Variants in WDR72 observed in about 807,000 individuals in gnomAD.
The protein encoded by WDR72 is WD repeat-containing protein 72.
WDR72 carries 120 observed loss-of-function variants against 124.2 expected under a neutral mutation model. That is an observed-to-expected ratio of 0.97 (90% CI 0.83 to 1.12). The LOEUF (loss-of-function observed/expected upper bound fraction) is 1.12. Ranked by LOEUF, WDR72 falls within the 50% of genes most tolerant of loss-of-function variation. The probability of loss-of-function intolerance (pLI) is 0.00; values close to 1 mark genes in which losing one functional copy is unlikely to be tolerated. For synonymous variants in WDR72, 452 were observed against 441.7 expected (o/e 1.02, Z -0.29); for missense variants, 1,387 against 1,278.8 (o/e 1.08, Z -1.29).
chr15:53,743,449 C>T (rs1243441656), intron 1 of WDR72, among the ~76,000 whole-genome samples: 2 of 152,002 alleles, frequency 1.3e-5, no homozygotes, highest in Admixed American at 1.3e-4. Context: ...GGACTTCCTA[C>T]CTTTTATAGT....
chr15:53,675,338 T>A (rs974978643), intron 13 of WDR72, among the ~76,000 whole-genome samples: 1 of 97,776 alleles, frequency 1.0e-5, no homozygotes, highest in Non-Finnish European at 1.9e-5. Context: ...TGAGACTCTG[T>A]CTCAAAAAAA....
intron 18 of WDR72, among the ~76,000 whole-genome samples, chr15:53,578,515 T>C (rs1459274372): frequency 2.0e-5 from 3 of 152,056 alleles, no homozygotes; most frequent in African/African-American, 7.2e-5. Flanking sequence ...TGGGACAGCA[T>C]ATGCAGAGGT....
At chr15:53,749,917 T>G (rs1413991413) in intron 1 of WDR72, among the ~76,000 whole-genome samples, 1 of 152,086 alleles carries the variant, frequency 6.6e-6, no homozygotes, top group Non-Finnish European at 1.5e-5. Context: ...GAAGCTGCAG[T>G]GGAAAAGCTG....
intron 11 of WDR72, among the ~76,000 whole-genome samples, chr15:53,704,478 A>C (rs2017278028): frequency 6.6e-6 from 1 of 151,798 alleles, no homozygotes; most frequent in African/African-American, 2.4e-5. Context: ...AGGAGAAAAA[A>C]TCATTTCTTA....
chr15:53,687,465 A>G (rs895067619), intron 13 of WDR72, among the ~76,000 whole-genome samples: 12 of 151,566 alleles, frequency 7.9e-5, no homozygotes, highest in African/African-American at 2.4e-4. Context: ...AATCTAGAAG[A>G]AATGGATAAA....
Position 53,742,609 on chromosome 15 carries a change from C to T in WDR72, c.-12-9448G>A, listed in dbSNP as rs2018538861. 1.3e-5 allele frequency among the ~76,000 whole-genome samples: 2 copies of T among 151,900 alleles called. 1 individual carries two copies. The highest frequency in any genetic ancestry group is 4.2e-4 in the South Asian group (2 of 4,810). ...TTTCACTGGAGAAAATAAGTGTACA[C>T]TGAGAAAGAAATATAGCATTACTTC... On this transcript the variant is annotated intron_variant, in intron 1 of 19. Transcript: ENST00000360509.
intron 18 of WDR72, among the ~76,000 whole-genome samples, chr15:53,524,366 GAT>G: frequency 6.6e-6 from 1 of 152,168 alleles, no homozygotes; most frequent in South Asian, 2.1e-4. Context: ...TCACACATAA[GAT>G]ATGTTTGTTG....
intron 13 of WDR72, among the ~76,000 whole-genome samples, chr15:53,684,913 A>G (rs954990742): frequency 1.3e-5 from 2 of 152,188 alleles, no homozygotes; most frequent in Non-Finnish European, 1.5e-5. Context: ...CCTGACCCCG[A>G]GCAGCCTAAC....
chr15:53,635,307 A>G (rs1416954000), intron 14 of WDR72, among the ~76,000 whole-genome samples: 1 of 152,218 alleles, frequency 6.6e-6, no homozygotes, highest in Non-Finnish European at 1.5e-5. Context: ...GCTTTTGCCT[A>G]TATGACTATT....
intron 2 of WDR72, among the ~76,000 whole-genome samples, chr15:53,724,608 C>T (rs1452321642): frequency 2.0e-5 from 3 of 152,164 alleles, no homozygotes; most frequent in Non-Finnish European, 4.4e-5. Flanking sequence ...AGAACTCACT[C>T]ACTATCACAA....
intron 18 of WDR72, among the ~76,000 whole-genome samples, chr15:53,546,541 C>T (rs966037554): frequency 1.1e-4 from 16 of 151,926 alleles, no homozygotes; most frequent in Non-Finnish European, 1.9e-4. Flanking sequence ...GGAGGGATAG[C>T]ATTGGGAGAT....
chr15:53,698,414 T>G (rs1199043186), intron 13 of WDR72, among the ~76,000 whole-genome samples: 1 of 152,208 alleles, frequency 6.6e-6, no homozygotes, highest in Non-Finnish European at 1.5e-5. Context: ...AAGTCAAGAC[T>G]TTGCTGCATT....
chr15:53,547,957 A>G (rs574845900), intron 18 of WDR72, among the ~76,000 whole-genome samples: 1 of 152,280 alleles, frequency 6.6e-6, no homozygotes, highest in African/African-American at 2.4e-5. Context: ...GAAAAGAAAA[A>G]AAAGAAATGT....
rs1566998300 is a variant in WDR72 at position 53,639,542 on chromosome 15, A to ATTTTATTTATTTATAAAATTATAT, written c.1963-23300_1963-23299insATATAATTTTATAAATAAATAAAA. On this transcript the variant is annotated intron_variant, in intron 14 of 19. Coordinates refer to ENST00000360509, the MANE Select transcript of WDR72 (RefSeq NM_182758.4). ...TTTATTTATTTATAAAATTATATAT[A>ATTTTATTTATTTATAAAATTATAT]ATTTTATTTATTTATAAAATTATAT... Among the ~76,000 whole-genome samples the ATTTTATTTATTTATAAAATTATAT allele has an allele frequency of 3.4e-5, 5 of 145,746 alleles. No homozygotes were observed. In the East Asian group the frequency reaches 6.3e-4, roughly 18 times the overall value.
At chr15:53,687,969 T>G (rs1358073581) in intron 13 of WDR72, among the ~76,000 whole-genome samples, 1 of 147,706 alleles carries the variant, frequency 6.8e-6, no homozygotes, top group Non-Finnish European at 1.5e-5. Flanking sequence ...AACCACATGA[T>G]TATCTCAATA....
At chr15:53,546,565 G>A (rs1219529395) in intron 18 of WDR72, among the ~76,000 whole-genome samples, 1 of 152,032 alleles carries the variant, frequency 6.6e-6, no homozygotes, top group East Asian at 1.9e-4. Flanking sequence ...CCTAATGCTA[G>A]ATGACGAGTT....
At chr15:53,726,216 A>G (rs1481175596) in intron 2 of WDR72, among the ~76,000 whole-genome samples, 1 of 132,042 alleles carries the variant, frequency 7.6e-6, no homozygotes, top group Non-Finnish European at 1.5e-5. Flanking sequence ...ATATATATGT[A>G]TGTGTATATA....
At chr15:53,632,291 G>A (rs979965760) in intron 14 of WDR72, among the ~76,000 whole-genome samples, 1 of 152,132 alleles carries the variant, frequency 6.6e-6, no homozygotes, top group Non-Finnish European at 1.5e-5. Context: ...TTCAGAGCGT[G>A]CAAGTGGTAA....
intron 18 of WDR72, among the ~76,000 whole-genome samples, chr15:53,543,715 T>C (rs1323505165): frequency 3.3e-5 from 5 of 151,916 alleles, no homozygotes; most frequent in South Asian, 4.2e-4. Context: ...AGCTGTTTTC[T>C]GAAAAGATCA....
Sources: allele counts gnomAD v4.1 joint callset (sites outside exome capture counted in the v4.1 genomes callset), GRCh38; gene constraint gnomAD v4.1.1; transcripts MANE v1.5; gene names NCBI Gene and HGNC (gene_info 2026-07-23, HGNC 2026-07-21).